Variants in EVI5 observed in about 807,000 individuals in gnomAD.
EVI5 encodes ecotropic viral integration site 5.
Under a neutral mutation model 112.0 loss-of-function variants are expected in EVI5, and 73 were observed. The ratio of observed to expected loss-of-function variants is 0.65; its 90% CI spans 0.54 to 0.79. The LOEUF is 0.79. Among genes scored for constraint, EVI5 ranks in the 30% least tolerant of loss-of-function variants. The pLI, the probability that EVI5 is intolerant of heterozygous loss-of-function variation, is 0.00. For missense variants in EVI5, 900 were observed against 968.8 expected (o/e 0.93, Z 0.94); for synonymous variants, 305 against 319.9 (o/e 0.95, Z 0.50).
chr1:92,677,750 T>G (rs896502199), intron 9 of EVI5, among the ~76,000 whole-genome samples: 1 of 152,130 alleles, frequency 6.6e-6, no homozygotes, highest in African/African-American at 2.4e-5. Context: ...ATGCTAAAAT[T>G]AGTGGGTGAA....
intron 18 of EVI5, among the ~76,000 whole-genome samples, chr1:92,596,958 G>A (rs1321314310): frequency 2.0e-5 from 3 of 152,130 alleles, no homozygotes; most frequent in Non-Finnish European, 4.4e-5. Context: ...CGGATATTAT[G>A]TAGGCAAGAA....
At chr1:92,665,340 A>G (rs1664719208) in intron 11 of EVI5, among the ~76,000 whole-genome samples, 1 of 152,236 alleles carries the variant, frequency 6.6e-6, no homozygotes, top group Non-Finnish European at 1.5e-5. Context: ...AATGACTACA[A>G]AAGATTTTTC....
intron 2 of EVI5, chr1:92,732,392 A>T: frequency 3.6e-6 from 1 of 274,096 alleles, no homozygotes; most frequent in South Asian, 4.1e-5. Context: ...CAAAGAAGGG[A>T]AAGGTGACAA....
intron 1 of EVI5, among the ~76,000 whole-genome samples, chr1:92,775,828 G>A (rs1487802835): frequency 6.6e-6 from 1 of 152,066 alleles, no homozygotes; most frequent in East Asian, 1.9e-4. Flanking sequence ...TTAATTTGAG[G>A]CCGGGCACGG....
chr1:92,683,455 G>A (rs1409911531), intron 9 of EVI5, among the ~76,000 whole-genome samples: 4 of 152,126 alleles, frequency 2.6e-5, no homozygotes, highest in Non-Finnish European at 5.9e-5. Context: ...AAGATGAGGA[G>A]AAACCAGAGA....
intron 3 of EVI5, 140 bp from the exon 4 acceptor site, chr1:92,703,759 T>A (rs1310335728): frequency 9.9e-6 from 6 of 604,192 alleles, no homozygotes; most frequent in Admixed American, 3.4e-5. Flanking sequence ...ATAATAAGAC[T>A]AGGGAACCCT....
intron 1 of EVI5, chr1:92,774,173 C>T (rs771252390): frequency 2.6e-5 from 4 of 152,166 alleles, no homozygotes; most frequent in Non-Finnish European, 5.9e-5. Context: ...TTATTCATGA[C>T]TTATCCCCAA....
intron 9 of EVI5, among the ~76,000 whole-genome samples, chr1:92,686,116 T>C (rs1300962470): frequency 6.6e-6 from 1 of 152,146 alleles, no homozygotes; most frequent in Non-Finnish European, 1.5e-5. Context: ...TTTAGGCCAA[T>C]ACCCCGATGA....
Position 92,622,557 on chromosome 1 carries a change from T to C in EVI5, c.1827+1619A>G, listed in dbSNP as rs551092940. Among the ~76,000 whole-genome samples, 14 of 152,354 alleles carry C rather than the reference T, an allele frequency of 9.2e-5. No individual in the cohort carries two copies. The South Asian group carries it at 1.2e-3, about 14-fold the overall frequency. ...AATGACAGAACTGGAGTTACATGTATAAACATGGACAAATTTCTTAATCTA... is the reference window on the plus strand; with the variant it reads ...AATGACAGAACTGGAGTTACATGTACAAACATGGACAAATTTCTTAATCTA... On this transcript the variant is annotated intron_variant, in intron 16 of 19. Transcript: ENST00000684568.
intron 1 of EVI5, among the ~76,000 whole-genome samples, chr1:92,770,329 T>C (rs1244435951): frequency 6.6e-6 from 1 of 152,226 alleles, no homozygotes. Flanking sequence ...TGTACTATAC[T>C]TGATTTAACC....
Position 92,761,347 on chromosome 1 carries a change from G to A in EVI5, c.-82+23489C>T, listed in dbSNP as rs548014621. On this transcript the variant is annotated intron_variant, in intron 1 of 19. Transcript: ENST00000684568. Reference sequence around the variant, plus strand: ...CTTATAGCACGATTTTTTTTTAGTGGGTATTTGTCTAAGTATTTGTAACGC... The same window carrying A: ...CTTATAGCACGATTTTTTTTTAGTGAGTATTTGTCTAAGTATTTGTAACGC... 2.5e-4 allele frequency among the ~76,000 whole-genome samples: 38 copies of A among 151,818 alleles called. No individual in the cohort carries two copies. The South Asian group carries it at 4.4e-3, about 17-fold the overall frequency.
intron 18 of EVI5, among the ~76,000 whole-genome samples, chr1:92,574,137 C>T (rs1453362421): frequency 1.3e-5 from 2 of 152,004 alleles, no homozygotes; most frequent in African/African-American, 2.4e-5. Context: ...TGTTTGATAA[C>T]GACCTACGCA....
chr1:92,733,405 T>C (rs1001467968), intron 2 of EVI5: 3 of 58,038 alleles, frequency 5.2e-5, no homozygotes, highest in African/African-American at 1.9e-4. Context: ...TACATTATCA[T>C]CTTTTTTTTT....
chr1:92,521,134 G>A (rs939441469), intron 19 of EVI5, among the ~76,000 whole-genome samples: 1 of 151,724 alleles, frequency 6.6e-6, no homozygotes, highest in Non-Finnish European at 1.5e-5. Flanking sequence ...GCTAATTTGT[G>A]TATTTTCTTT....
chr1:92,783,503 A>AAAAAAG (rs1396648599), intron 1 of EVI5, among the ~76,000 whole-genome samples: 60 of 148,102 alleles, frequency 4.1e-4, no homozygotes, highest in Non-Finnish European at 7.6e-4. Flanking sequence ...AAAAAAAAAA[A>AAAAAAG]AAAAGAAAAG....
intron 10 of EVI5, among the ~76,000 whole-genome samples, chr1:92,666,531 C>A (rs976432073): frequency 7.6e-6 from 1 of 131,482 alleles, no homozygotes; most frequent in African/African-American, 2.9e-5. Flanking sequence ...TTGTAGTGAG[C>A]CGAGATTGGA....
In EVI5 at chr1:92,693,865, C is replaced by G. The variant is rs762045804; in HGVS notation, c.1034G>C (p.Gly345Ala). Residue 345 changes from glycine to alanine, a missense_variant, in exon 9 of 20, where the codon GGT (glycine) becomes GCT (alanine). Transcript: ENST00000684568. Reference protein sequence around the residue: ...FQKVIPHQFDGVPDKLIQAAY... With the variant: ...FQKVIPHQFDAVPDKLIQAAY... ...TGCTTGGATTAGCTTGTCTGGGACA[C>G]CATCAAACTGATGTGGAATGACCTT... 6.2e-7 allele frequency: 1 copy of G among 1,605,178 alleles called. No homozygotes were observed. The highest frequency in any genetic ancestry group is 8.5e-7 in the Non-Finnish European group (1 of 1,172,938).
chr1:92,639,352 A>G (rs970004863), intron 13 of EVI5, among the ~76,000 whole-genome samples: 3 of 152,084 alleles, frequency 2.0e-5, no homozygotes, highest in African/African-American at 7.2e-5. Context: ...AATAGGAGTA[A>G]TACAGTAAAA....
At chr1:92,602,234 T>C (rs1649328205) in intron 18 of EVI5, among the ~76,000 whole-genome samples, 1 of 152,166 alleles carries the variant, frequency 6.6e-6, no homozygotes, top group South Asian at 2.1e-4. Flanking sequence ...AAATTCTAGA[T>C]GTTACAGCAA....
Sources: allele counts gnomAD v4.1 joint callset (sites outside exome capture counted in the v4.1 genomes callset), GRCh38; gene constraint gnomAD v4.1.1; transcripts MANE v1.5; gene names NCBI Gene and HGNC (gene_info 2026-07-23, HGNC 2026-07-21).